The following CHD6 variants were observed in gnomAD, a reference collection of about 807,000 sequenced individuals.
CHD6 encodes the protein chromodomain helicase DNA binding protein 6, also known as ATP-dependent chromatin remodeler CHD6.
Under a neutral mutation model 276.9 loss-of-function variants are expected in CHD6, and 50 were observed. The observed-to-expected ratio is 0.18, with a 90% CI of 0.14 to 0.23. CHD6 has a LOEUF of 0.23. Among genes scored for constraint, CHD6 ranks in the 10% least tolerant of loss-of-function variants. The pLI is 1.00. For missense variants in CHD6, 2,564 were observed against 3,365.8 expected, an observed-to-expected ratio of 0.76 and a Z score of 5.89; for synonymous variants, 1,173 against 1,229.3, an observed-to-expected ratio of 0.95 and a Z score of 0.96.
chr20:41,453,898 G>A (rs187141467), intron 20 of CHD6, among the ~76,000 whole-genome samples: 1 of 152,300 alleles, frequency 6.6e-6, no homozygotes, highest in African/African-American at 2.4e-5. Flanking sequence ...GAATTAGCTA[G>A]CTACAAGCAG....
At chr20:41,594,294 A>G (rs2045695247) in intron 1 of CHD6, among the ~76,000 whole-genome samples, 2 of 152,224 alleles carry the variant, frequency 1.3e-5, no homozygotes. Flanking sequence ...CTCCAGCCTA[A>G]GATGGAAGTC....
At chr20:41,513,451 C>T (rs547305243) in intron 4 of CHD6, among the ~76,000 whole-genome samples, 2 of 152,300 alleles carry the variant, frequency 1.3e-5, no homozygotes, top group East Asian at 1.9e-4. Flanking sequence ...CCACATACTT[C>T]TAAAAATGTA....
At chr20:41,565,533 C>G (rs941711202) in intron 1 of CHD6, among the ~76,000 whole-genome samples, 1 of 152,178 alleles carries the variant, frequency 6.6e-6, no homozygotes, top group Non-Finnish European at 1.5e-5. Flanking sequence ...AAAGTGAAGA[C>G]TGAGTCACAG....
chr20:41,464,033 T>C (rs1248471117), intron 17 of CHD6, among the ~76,000 whole-genome samples: 2 of 151,714 alleles, frequency 1.3e-5, no homozygotes, highest in African/African-American at 4.8e-5. Flanking sequence ...AAGGAGAGAG[T>C]GAGAAAGGGC....
rs576645172 is a variant in CHD6 at position 41,415,551 on chromosome 20, G to A, written c.6574C>T (p.Arg2192Trp). 1.4e-5 allele frequency: 22 copies of A among 1,614,092 alleles called. No individual in the cohort carries two copies. Among genetic ancestry groups the A allele is most frequent in the African/African-American group, 4.0e-5 (3 of 75,048 alleles). ...GTGGCAGAGAACTGCTCCAGGCCCC[G>A]AGCCTTTGCATCCCTCTCCACCTCA... ...EFEVERDAKARGLEQFSATHG... is the reference protein window; with the variant it reads ...EFEVERDAKAWGLEQFSATHG... The change falls in exon 34 of 37, where the codon CGG (arginine) becomes TGG (tryptophan). Residue 2192 changes from arginine to tryptophan, a missense_variant. Physicochemically the swap from Arg to Trp is moderately radical, Grantham distance 101. Transcript: ENST00000373233.
chr20:41,410,583 C>T (rs2046813342), intron 36 of CHD6, among the ~76,000 whole-genome samples: 1 of 152,132 alleles, frequency 6.6e-6, no homozygotes, highest in South Asian at 2.1e-4. Context: ...CTGAGCTGCC[C>T]GAGGTCTTCT....
At chr20:41,547,917 A>G (rs1663924599) in intron 2 of CHD6, 2 of 274,782 alleles carry the variant, frequency 7.3e-6, no homozygotes, top group Admixed American at 8.8e-5. Context: ...GGAATGCCCA[A>G]CTAGTTAAGA....
intron 16 of CHD6, among the ~76,000 whole-genome samples, chr20:41,474,082 T>C (rs1373884117): frequency 6.6e-6 from 1 of 152,220 alleles, no homozygotes; most frequent in Non-Finnish European, 1.5e-5. Context: ...CCTCCAAGTT[T>C]ATAGCTGAAA....
At chr20:41,575,868 A>T (rs970668507) in intron 1 of CHD6, among the ~76,000 whole-genome samples, 4 of 151,758 alleles carry the variant, frequency 2.6e-5, no homozygotes, top group Non-Finnish European at 5.9e-5. Context: ...AAGCCAAAAT[A>T]AAAAAAATCC....
chr20:41,415,124 GA>G lies in CHD6; in HGVS notation c.6939+61del, dbSNP rs1255540951. ...CACAAATTATTTTGCGTCTGAGGAA[GA>G]AGGGTTTGTTTCTCAGTGTAGAAAG... On this transcript the variant is annotated intron_variant, in intron 34 of 36. Coordinates refer to ENST00000373233, the MANE Select transcript of CHD6 (RefSeq NM_032221.5). 27 of 1,510,750 alleles carry G rather than the reference GA, an allele frequency of 1.8e-5. No individual in the cohort carries two copies. In the African/African-American group the frequency reaches 2.4e-4, roughly 13 times the overall value. 93.6% of individuals were successfully genotyped at this position (1,510,750 alleles called of 1,614,324 possible).
intron 17 of CHD6, among the ~76,000 whole-genome samples, chr20:41,459,894 A>G (rs913698882): frequency 6.6e-6 from 1 of 152,254 alleles, no homozygotes; most frequent in Non-Finnish European, 1.5e-5. Flanking sequence ...AGGTTGGAAC[A>G]GTTTGGAAGG....
At chr20:41,538,531 C>A (rs1017789677) in intron 2 of CHD6, among the ~76,000 whole-genome samples, 1 of 151,956 alleles carries the variant, frequency 6.6e-6, no homozygotes, top group Non-Finnish European at 1.5e-5. Flanking sequence ...TTGGGGGTTA[C>A]GAAAATGTTC....
chr20:41,490,825 A>C (rs1292062821), intron 11 of CHD6, among the ~76,000 whole-genome samples: 2 of 152,126 alleles, frequency 1.3e-5, no homozygotes, highest in Non-Finnish European at 2.9e-5. Flanking sequence ...CAAAAATAAA[A>C]AATAAAAAAA....
chr20:41,569,044 C>G (rs191732846), intron 1 of CHD6, among the ~76,000 whole-genome samples: 1 of 152,150 alleles, frequency 6.6e-6, no homozygotes, highest in Admixed American at 6.6e-5. Flanking sequence ...GAGGTAAACA[C>G]AAAACTAGTC....
At chr20:41,424,036 G>A (rs2047282022) in intron 29 of CHD6, among the ~76,000 whole-genome samples, 1 of 151,964 alleles carries the variant, frequency 6.6e-6, no homozygotes, top group African/African-American at 2.4e-5. Context: ...AGATGATGAA[G>A]ATTTTTAAAA....
At chr20:41,478,953 T>C (rs1421549413) in intron 16 of CHD6, among the ~76,000 whole-genome samples, 1 of 152,156 alleles carries the variant, frequency 6.6e-6, no homozygotes. Context: ...GCTATTATGC[T>C]GACGCTTAAT....
At chr20:41,538,095 T>G (rs2044870652) in intron 2 of CHD6, among the ~76,000 whole-genome samples, 2 of 152,198 alleles carry the variant, frequency 1.3e-5, no homozygotes, top group African/African-American at 4.8e-5. Flanking sequence ...CTCACACCTA[T>G]AATCCCAGCA....
intron 1 of CHD6, among the ~76,000 whole-genome samples, chr20:41,585,462 C>T (rs928158219): frequency 2.7e-5 from 4 of 148,556 alleles, no homozygotes; most frequent in African/African-American, 1.0e-4. Context: ...GAGCCAAGAT[C>T]GCACCATTGC....
chr20:41,551,448 G>A, intron 1 of CHD6, 88 bp from the exon 2 acceptor site: 1 of 630,914 alleles, frequency 1.6e-6, no homozygotes, highest in Non-Finnish European at 2.8e-6. Context: ...AACACACAAG[G>A]AAAACAAACA....
Sources: gnomAD v4.1 joint callset for allele counts (sites outside exome capture counted in the v4.1 genomes callset) on GRCh38, gnomAD v4.1.1 for gene constraint, MANE v1.5 for transcripts, NCBI Gene and HGNC (gene_info 2026-07-23, HGNC 2026-07-21) for gene names.